The following POLR3E variants were observed in gnomAD, a reference collection of about 807,000 sequenced individuals.
POLR3E encodes RNA polymerase III subunit E.
A neutral mutation model predicts 96.6 loss-of-function variants in POLR3E; 41 were observed. That is an observed-to-expected ratio of 0.42 (90% confidence interval 0.33 to 0.55). The LOEUF (loss-of-function observed/expected upper bound fraction) is 0.55, where lower values mean the gene tolerates loss of function less well. Among genes scored for constraint, POLR3E ranks in the 20% least tolerant of loss-of-function variants. POLR3E has a pLI of 0.06. For missense variants in POLR3E, 849 were observed against 952.1 expected, an observed-to-expected ratio of 0.89 and a Z score of 1.43; for synonymous variants, 396 against 383.6, an observed-to-expected ratio of 1.03 and a Z score of -0.38.
intron 18 of POLR3E, chr16:22,326,587 A>T: frequency 2.0e-6 from 1 of 491,862 alleles, no homozygotes; most frequent in Non-Finnish European, 3.7e-6. Flanking sequence ...GTCCCCCACC[A>T]AGAACACCTG....
intron 9 of POLR3E, among the ~76,000 whole-genome samples, chr16:22,316,186 G>A (rs771534234): frequency 6.6e-6 from 1 of 152,202 alleles, no homozygotes; most frequent in East Asian, 1.9e-4. Context: ...CCTTGGGCAT[G>A]TTAGCTAACC....
At chr16:22,320,601 A>T (rs1449375784) in intron 13 of POLR3E, among the ~76,000 whole-genome samples, 5 of 152,118 alleles carry the variant, frequency 3.3e-5, no homozygotes, top group African/African-American at 1.2e-4. Flanking sequence ...GCCCCATAAG[A>T]CATTACTGTA....
At position 22,318,768 on chromosome 16, in the gene POLR3E, AG is replaced by A; in HGVS notation, c.866-54del. ...TTGAAGCTATGCGGACTCTCGGTGG[AG>A]GGGAGGGAAGGGCCCGGCCCCTCTT... On this transcript the variant is annotated intron_variant, in intron 12 of 20. Coordinates refer to ENST00000299853, the MANE Select transcript of POLR3E (RefSeq NM_018119.4). This position sits in a 1 kb window ranked among gnomAD's most constrained non-coding sequence, Gnocchi z 5.0. The A allele has an allele frequency of 6.4e-7, 1 of 1,554,394 alleles. No homozygotes were observed. The highest frequency in any genetic ancestry group is 8.7e-7 in the Non-Finnish European group (1 of 1,143,636).
intron 16 of POLR3E, 44 bp downstream of exon 16, chr16:22,324,704 A>G (rs2048542124): frequency 1.9e-6 from 3 of 1,600,756 alleles, no homozygotes; most frequent in Non-Finnish European, 2.6e-6. Flanking sequence ...TGATCCCAGC[A>G]ACCCTGCATC....
chr16:22,311,604 T>C (rs574780422), intron 6 of POLR3E, among the ~76,000 whole-genome samples: 2 of 152,000 alleles, frequency 1.3e-5, no homozygotes, highest in South Asian at 4.2e-4. Flanking sequence ...GCAATTGCCT[T>C]CCCTCAGTCT....
In POLR3E at chr16:22,326,100, A is replaced by G; in HGVS notation, c.1688A>G (p.Lys563Arg). ...AGCACCCCTGTGGCTCGGGAACTGA[A>G]GGCCTTCGTGGAGGCCACCTTTCAG... The part of the protein sequence containing the change: ...CASTPVAREL[K>R]AFVEATFQRQ... The change falls in exon 18 of 21, where the codon AAG (lysine) becomes AGG (arginine). Residue 563 changes from lysine to arginine, a missense_variant. Physicochemically the swap from Lys to Arg is conservative, Grantham distance 26. Transcript: ENST00000299853. The G allele has an allele frequency of 4.3e-6, 7 of 1,613,686 alleles. No individual in the cohort carries two copies. Among genetic ancestry groups the G allele is most frequent in the Non-Finnish European group, 5.9e-6 (7 of 1,179,884 alleles).
intron 17 of POLR3E, 71 bp from the exon 18 acceptor site, chr16:22,325,686 CCCCG>C (rs2048566636): frequency 1.4e-6 from 2 of 1,466,290 alleles, no homozygotes; most frequent in African/African-American, 2.8e-5. Context: ...CTTGCTGCAG[CCCCG>C]CGGTCCCCTG....
intron 19 of POLR3E, among the ~76,000 whole-genome samples, chr16:22,331,137 C>G (rs1393452509): frequency 6.6e-6 from 1 of 151,546 alleles, no homozygotes; most frequent in Non-Finnish European, 1.5e-5. Context: ...TGCCACCACG[C>G]GTGGCTGATT....
Position 22,325,901 on chromosome 16 carries a change from A to G in POLR3E, c.1489A>G (p.Ile497Val). ...GCCTGCGGTCCCGCCCGGTGTGCGG[A>G]TCAAGGAGGAGCCCGTGAGCGAGGA... is the stretch of plus-strand genomic sequence containing the variant. ...RVPAVPPGVR[I>V]KEEPVSEEGE... The change falls in exon 18 of 21, where the codon ATC (isoleucine) becomes GTC (valine). Residue 497 changes from isoleucine (I) to valine (V), a missense_variant. Coordinates refer to ENST00000299853, the MANE Select transcript of POLR3E (RefSeq NM_018119.4). 1 of 1,607,188 alleles carries G rather than the reference A, an allele frequency of 6.2e-7. No individual in the cohort carries two copies. The highest frequency in any genetic ancestry group is 8.5e-7 in the Non-Finnish European group (1 of 1,176,868).
rs1392889426 is a variant in POLR3E, at chr16:22,315,224, T to C, written c.642+16T>C. On this transcript the variant is annotated intron_variant, in intron 9 of 20. Coordinates refer to ENST00000299853, the MANE Select transcript of POLR3E (RefSeq NM_018119.4). Reference sequence around the variant, plus strand: ...TGGCCTGAGGGTGAGCGGGGCTTCGTGGGGTCCTGGGGGAAACACCTCGGT... The same window carrying C: ...TGGCCTGAGGGTGAGCGGGGCTTCGCGGGGTCCTGGGGGAAACACCTCGGT... 1.9e-6 allele frequency: 3 copies of C among 1,569,354 alleles called. No homozygotes were observed. The highest frequency in any genetic ancestry group is 2.6e-6 in the Non-Finnish European group (3 of 1,156,616).
At chr16:22,314,823 T>C in intron 8 of POLR3E, 1 of 322,094 alleles carries the variant, frequency 3.1e-6, no homozygotes, top group Non-Finnish European at 5.8e-6. Context: ...CTTTAAGGAC[T>C]CTGCTGGCTC....
At chr16:22,328,406 C>A in intron 18 of POLR3E, 104 bp from the exon 19 acceptor site, 1 of 945,856 alleles carries the variant, frequency 1.1e-6, no homozygotes, top group Non-Finnish European at 1.7e-6. Context: ...GGATTGGAAC[C>A]CATGTTCCTG....
chr16:22,330,038 G>GAGAT (rs1475385593), intron 19 of POLR3E, among the ~76,000 whole-genome samples: 5 of 150,690 alleles, frequency 3.3e-5, no homozygotes, highest in Non-Finnish European at 5.9e-5. Context: ...GGAGACTGTA[G>GAGAT]AGATAGATAT....
chr16:22,318,757 ACT>A lies in POLR3E; in HGVS notation c.866-65_866-64del. ...ATTACATGAACTTGAAGCTATGCGG[ACT>A]CTCGGTGGAGGGGAGGGAAGGGCCC... On this transcript the variant is annotated intron_variant, in intron 12 of 20. Transcript: ENST00000299853. This position sits in a 1 kb window ranked among gnomAD's most constrained non-coding sequence, Gnocchi z 5.0. 2 of 1,532,374 alleles carry A rather than the reference ACT, an allele frequency of 1.3e-6. No individual in the cohort carries two copies. Among genetic ancestry groups the A allele is most frequent in the South Asian group, 2.3e-5 (2 of 86,982 alleles). The allele number at this position is 1,532,374 out of a possible 1,614,324, so 94.9% of individuals were successfully genotyped here.
At position 22,328,947 on chromosome 16, in the gene POLR3E, G is replaced by A. The variant is rs1271643669; in HGVS notation, c.1944+360G>A. On this transcript the variant is annotated intron_variant, in intron 19 of 20. Transcript: ENST00000299853. Reference sequence around the variant, plus strand: ...TTGACACCAGCCTGACCAATATGGTGAAACCCCATCTCTACTAAAAATGCC... The same window carrying A: ...TTGACACCAGCCTGACCAATATGGTAAAACCCCATCTCTACTAAAAATGCC... 2.3e-5 allele frequency: 6 copies of A among 261,632 alleles called. No homozygotes were observed. The Admixed American group carries it at 2.9e-4, about 13-fold the overall frequency. 16.2% of individuals were successfully genotyped at this position (261,632 alleles called of 1,614,324 possible).
intron 1 of POLR3E, among the ~76,000 whole-genome samples, chr16:22,298,524 C>T (rs1311528470): frequency 6.6e-5 from 10 of 152,194 alleles, no homozygotes; most frequent in Non-Finnish European, 2.9e-5. Context: ...ACCCAGACAA[C>T]TCAGGTGGGT....
Position 22,326,160 on chromosome 16 carries a change from G to A in POLR3E, c.1748G>A (p.Arg583His), listed in dbSNP as rs757800689. 2.1e-5 allele frequency: 34 copies of A among 1,613,996 alleles called. No homozygotes were observed. The highest frequency in any genetic ancestry group is 2.7e-5 in the Non-Finnish European group (32 of 1,180,008). Residue 583 changes from arginine (R) to histidine (H), a missense_variant, in exon 18 of 21, where the codon CGC becomes CAC. Arg to His is a conservative substitution (Grantham distance 29). Transcript: ENST00000299853. ...GTGCTCACGCTGAGCGAACTCAAGC[G>A]CCTCTTCAATCTGCACTTGGCCAGC... ...QFVLTLSELK[R>H]LFNLHLASLP...
At chr16:22,326,307 T>TG (rs1018206056) in intron 18 of POLR3E, 29 bp downstream of exon 18, 2 of 247,632 alleles carry the variant, frequency 8.1e-6, no homozygotes, top group African/African-American at 4.3e-5. Context: ...GCCAGGGGCA[T>TG]GGGGGGTGGG....
intron 3 of POLR3E, among the ~76,000 whole-genome samples, chr16:22,306,274 T>G (rs1297174725): frequency 6.6e-6 from 1 of 152,188 alleles, no homozygotes; most frequent in East Asian, 1.9e-4. Flanking sequence ...GTTTGTTTGT[T>G]TTGAGACACA....
Sources: gnomAD v4.1 joint callset for allele counts (sites outside exome capture counted in the v4.1 genomes callset) on GRCh38, gnomAD v4.1.1 for gene constraint, Gnocchi (gnomAD v3.1) non-coding constraint, MANE v1.5 for transcripts, NCBI Gene and HGNC (gene_info 2026-07-23, HGNC 2026-07-21) for gene names.